The following TGFB2 variants were observed in gnomAD, a reference collection of about 807,000 sequenced individuals.
TGFB2 encodes the protein transforming growth factor beta-2 proprotein.
A neutral mutation model predicts 42.7 loss-of-function variants in TGFB2; 13 were observed. The observed-to-expected ratio is 0.30, with a 90% confidence interval of 0.20 to 0.48. The LOEUF is 0.48. TGFB2 is among the 20% of genes least tolerant of loss of function. The pLI is 0.99. For missense variants in TGFB2, 390 were observed against 517.5 expected, an observed-to-expected ratio of 0.75 and a Z score of 2.39; for synonymous variants, 193 against 193.6, an observed-to-expected ratio of 1.00 and a Z score of 0.03.
chr1:218,380,567 G>A (rs1229007410), intron 1 of TGFB2, among the ~76,000 whole-genome samples: 1 of 152,086 alleles, frequency 6.6e-6, no homozygotes, highest in Non-Finnish European at 1.5e-5. Flanking sequence ...ATGTAGTTTG[G>A]CCCTAGGCTG....
At chr1:218,387,203 C>T (rs1206938382) in intron 1 of TGFB2, among the ~76,000 whole-genome samples, 1 of 149,478 alleles carries the variant, frequency 6.7e-6, no homozygotes, top group African/African-American at 2.5e-5. Flanking sequence ...TGATGTGGTG[C>T]ACTTAGGGGC....
chr1:218,390,324 T>C (rs897744542), intron 1 of TGFB2, among the ~76,000 whole-genome samples: 8 of 152,024 alleles, frequency 5.3e-5, no homozygotes, highest in African/African-American at 1.9e-4. Context: ...ATGACAGATC[T>C]TAAGCTTCCC....
At chr1:218,424,699 TGG>T (rs1324667502) in intron 2 of TGFB2, among the ~76,000 whole-genome samples, 3 of 152,236 alleles carry the variant, frequency 2.0e-5, no homozygotes, top group Non-Finnish European at 4.4e-5. Flanking sequence ...AGAAAGGATT[TGG>T]AGTGGAAAAA....
chr1:218,378,838 G>C (rs1020813704), intron 1 of TGFB2, among the ~76,000 whole-genome samples: 1 of 152,042 alleles, frequency 6.6e-6, no homozygotes, highest in African/African-American at 2.4e-5. Context: ...ACACCAGAGG[G>C]ATAGAGAAAG....
chr1:218,440,133 T>C (rs1660105417), intron 6 of TGFB2, among the ~76,000 whole-genome samples: 1 of 152,260 alleles, frequency 6.6e-6, no homozygotes, highest in Non-Finnish European at 1.5e-5. Context: ...CTCTTCATTC[T>C]GTTTTCAGAC....
chr1:218,413,570 G>A lies in TGFB2; in HGVS notation c.510+8238G>A, dbSNP rs1462944430. On this transcript the variant is annotated intron_variant, in intron 2 of 6. Coordinates refer to ENST00000366930, the MANE Select transcript of TGFB2 (RefSeq NM_003238.6). ...GGGACCCCTCTCTCTACAGAAAACT[G>A]TCAAGACTTTGGCAAGTGAAAGTAC... 2.6e-5 allele frequency among the ~76,000 whole-genome samples: 4 copies of A among 152,334 alleles called. No homozygotes were observed. In the South Asian group the frequency reaches 6.2e-4, roughly 24 times the overall value.
At chr1:218,381,006 C>A (rs1478621238) in intron 1 of TGFB2, among the ~76,000 whole-genome samples, 1 of 152,112 alleles carries the variant, frequency 6.6e-6, no homozygotes, top group African/African-American at 2.4e-5. Flanking sequence ...GAGTTAATTA[C>A]CCAAGATCAA....
chr1:218,392,325 C>T (rs1457507829), intron 1 of TGFB2, among the ~76,000 whole-genome samples: 1 of 152,124 alleles, frequency 6.6e-6, no homozygotes, highest in East Asian at 1.9e-4. Context: ...TGCACTCCAG[C>T]CTGGACGACA....
At chr1:218,363,387 A>C (rs1218465111) in intron 1 of TGFB2, 22 of 1,613,900 alleles carry the variant, frequency 1.4e-5, no homozygotes, top group Non-Finnish European at 1.6e-5. Flanking sequence ...CTTGTGCTCC[A>C]GACAGTCCCA....
At chr1:218,437,630 T>A in intron 6 of TGFB2, 134 bp downstream of exon 6, 1 of 977,446 alleles carries the variant, frequency 1.0e-6, no homozygotes, top group East Asian at 3.0e-5. Context: ...AGAAAAATCT[T>A]TCATTAGGTT....
At chr1:218,384,798 G>A (rs1198776235) in intron 1 of TGFB2, among the ~76,000 whole-genome samples, 1 of 152,242 alleles carries the variant, frequency 6.6e-6, no homozygotes, top group African/African-American at 2.4e-5. Context: ...AATCTGCTGA[G>A]AATGGATGGT....
chr1:218,405,438 C>G, intron 2 of TGFB2, 106 bp downstream of exon 2: 3 of 1,581,578 alleles, frequency 1.9e-6, no homozygotes, highest in Non-Finnish European at 1.7e-6. Flanking sequence ...GATCACAGCT[C>G]ACTGCAACCT....
chr1:218,411,419 A>T (rs977398160), intron 2 of TGFB2, among the ~76,000 whole-genome samples: 1 of 151,910 alleles, frequency 6.6e-6, no homozygotes, highest in African/African-American at 2.4e-5. Context: ...TATGCTTGGA[A>T]CTTCAGTAGA....
intron 1 of TGFB2, among the ~76,000 whole-genome samples, chr1:218,376,781 G>A (rs1571849185): frequency 1.3e-5 from 2 of 152,124 alleles, no homozygotes; most frequent in East Asian, 1.9e-4. Context: ...CCTATTTGTG[G>A]AGACCCATTT....
chr1:218,402,292 C>T (rs1316441220), intron 1 of TGFB2, among the ~76,000 whole-genome samples: 1 of 152,238 alleles, frequency 6.6e-6, no homozygotes, highest in African/African-American at 2.4e-5. Flanking sequence ...GAAATATAAA[C>T]AGCCTAAATG....
At chr1:218,438,160 A>G (rs1171013082) in intron 6 of TGFB2, among the ~76,000 whole-genome samples, 1 of 152,194 alleles carries the variant, frequency 6.6e-6, no homozygotes, top group Middle Eastern at 3.2e-3. Context: ...GGTAACCATC[A>G]TTCTACTCTC....
intron 2 of TGFB2, among the ~76,000 whole-genome samples, chr1:218,410,983 G>A (rs1020812349): frequency 1.3e-5 from 2 of 152,132 alleles, no homozygotes; most frequent in Non-Finnish European, 2.9e-5. Context: ...AAATGCTTGG[G>A]GAACTTAATG....
chr1:218,409,771 T>A (rs1659036528), intron 2 of TGFB2, among the ~76,000 whole-genome samples: 1 of 152,220 alleles, frequency 6.6e-6, no homozygotes, highest in African/African-American at 2.4e-5. Context: ...ACCCTTTGAT[T>A]ACTGTACTAC....
At chr1:218,430,618 C>T (rs1558260471) in intron 2 of TGFB2, among the ~76,000 whole-genome samples, 4 of 152,150 alleles carry the variant, frequency 2.6e-5, no homozygotes, top group African/African-American at 7.2e-5. Context: ...TCCATGCCTT[C>T]TTCTCTTACA....
Sources: gnomAD v4.1 joint callset for allele counts (sites outside exome capture counted in the v4.1 genomes callset) on GRCh38, gnomAD v4.1.1 for gene constraint, MANE v1.5 for transcripts, NCBI Gene and HGNC (gene_info 2026-07-23, HGNC 2026-07-21) for gene names.